Variants in R3HCC1L observed in about 807,000 individuals in gnomAD.
R3HCC1L encodes R3H domain and coiled-coil containing 1 like, also known as coiled-coil domain-containing protein R3HCC1L.
A neutral mutation model predicts 59.9 loss-of-function variants in R3HCC1L; 51 were observed. The observed-to-expected ratio is 0.85, with a 90% CI of 0.68 to 1.07. The LOEUF (loss-of-function observed/expected upper bound fraction) is 1.07, where lower values mean the gene tolerates loss of function less well. Ranked by LOEUF, R3HCC1L falls within the 50% of genes least tolerant of loss-of-function variation. The probability of loss-of-function intolerance (pLI) is 0.00; values close to 1 mark genes in which losing one functional copy is unlikely to be tolerated. For synonymous variants in R3HCC1L, 322 were observed against 315.2 expected, an observed-to-expected ratio of 1.02 and a Z score of -0.23; for missense variants, 965 against 933.0, an observed-to-expected ratio of 1.03 and a Z score of -0.45.
rs529980329 is a variant in R3HCC1L, at chr10:98,230,448, G to A, written c.1786-1064G>A. 2.6e-5 allele frequency among the ~76,000 whole-genome samples: 4 copies of A among 151,528 alleles called. No individual in the cohort carries two copies. In the East Asian group the frequency reaches 7.7e-4, roughly 29 times the overall value. On this transcript the variant is annotated intron_variant, in intron 5 of 9. Coordinates refer to ENST00000298999, the MANE Select transcript of R3HCC1L (RefSeq NM_001351015.2). Reference sequence around the variant, plus strand: ...TGATATCCCCTTTATCATTTTTTTTGCGTCTATTTGATTCTTCTCTCTTCT... The same window carrying A: ...TGATATCCCCTTTATCATTTTTTTTACGTCTATTTGATTCTTCTCTCTTCT...
chr10:98,153,609 TAA>T (rs1160637755), intron 1 of R3HCC1L, among the ~76,000 whole-genome samples: 21 of 80,998 alleles, frequency 2.6e-4, no homozygotes, highest in African/African-American at 3.5e-4. Flanking sequence ...AATGATCAAT[TAA>T]AAAAAAAAAA....
At chr10:98,198,984 A>T (rs541174314) in intron 4 of R3HCC1L, among the ~76,000 whole-genome samples, 2 of 152,322 alleles carry the variant, frequency 1.3e-5, no homozygotes, top group African/African-American at 4.8e-5. Flanking sequence ...TGTTTTATTT[A>T]ATGCAGTATA....
chr10:98,217,301 G>A (rs1400842726), intron 5 of R3HCC1L, among the ~76,000 whole-genome samples: 1 of 152,086 alleles, frequency 6.6e-6, no homozygotes, highest in East Asian at 1.9e-4. Context: ...TGTTCTTGGT[G>A]CCTTTGTCGA....
intron 1 of R3HCC1L, among the ~76,000 whole-genome samples, chr10:98,140,958 C>G (rs1845077073): frequency 6.6e-6 from 1 of 151,486 alleles, no homozygotes; most frequent in South Asian, 2.1e-4. Flanking sequence ...AAAAGGAGAA[C>G]AGAAAACACT....
chr10:98,215,090 C>T (rs912130815), intron 5 of R3HCC1L, among the ~76,000 whole-genome samples: 15 of 152,156 alleles, frequency 9.9e-5, no homozygotes, highest in African/African-American at 3.6e-4. Flanking sequence ...TTTGTCTCTA[C>T]CTGACTGGGT....
At chr10:98,157,064 AT>A (rs1263383512) in intron 2 of R3HCC1L, among the ~76,000 whole-genome samples, 1 of 152,202 alleles carries the variant, frequency 6.6e-6, no homozygotes, top group Non-Finnish European at 1.5e-5. Flanking sequence ...TTTCTTCAGA[AT>A]TTTGAAGGCA....
chr10:98,183,331 C>CT (rs35199381), intron 4 of R3HCC1L, among the ~76,000 whole-genome samples: 42,989 of 138,124 alleles, frequency 0.31, 6,833 homozygotes, highest in East Asian at 0.49. Flanking sequence ...TGTATTGTGT[C>CT]TTTTTTTTTT....
chr10:98,226,881 A>C (rs10748719), intron 5 of R3HCC1L, among the ~76,000 whole-genome samples: 60,648 of 152,116 alleles, frequency 0.4, 12,672 homozygotes, highest in South Asian at 0.57. Flanking sequence ...AAGGCAAAAC[A>C]GTTTATGTAT....
At chr10:98,134,839 G>C (rs1590345832) in intron 1 of R3HCC1L, 133 bp downstream of exon 1, 1 of 152,110 alleles carries the variant, frequency 6.6e-6, no homozygotes, top group East Asian at 1.9e-4. Flanking sequence ...CTCATGTGAC[G>C]CGAGGGGCCG....
intron 5 of R3HCC1L, among the ~76,000 whole-genome samples, chr10:98,217,500 T>C (rs972677088): frequency 6.6e-6 from 1 of 152,192 alleles, no homozygotes; most frequent in Non-Finnish European, 1.5e-5. Flanking sequence ...CTATTCTTTG[T>C]CTTTTGTGGT....
At chr10:98,227,112 G>C (rs1855753502) in intron 5 of R3HCC1L, among the ~76,000 whole-genome samples, 1 of 152,180 alleles carries the variant, frequency 6.6e-6, no homozygotes, top group Admixed American at 6.5e-5. Flanking sequence ...AACAGACTTA[G>C]CACTTGGTTA....
chr10:98,227,887 C>T (rs545022396), intron 5 of R3HCC1L, among the ~76,000 whole-genome samples: 163 of 152,230 alleles, frequency 1.1e-3, no homozygotes, highest in African/African-American at 3.0e-3. Flanking sequence ...CAGCTTCAAC[C>T]ATGTCCCTAC....
intron 1 of R3HCC1L, among the ~76,000 whole-genome samples, chr10:98,139,530 C>G (rs1014637948): frequency 6.6e-6 from 1 of 152,192 alleles, no homozygotes; most frequent in African/African-American, 2.4e-5. Flanking sequence ...ATGTGCTCTT[C>G]GCTAGTGCAG....
intron 2 of R3HCC1L, among the ~76,000 whole-genome samples, chr10:98,161,038 T>A (rs1263004831): frequency 1.3e-5 from 2 of 152,198 alleles, no homozygotes; most frequent in Non-Finnish European, 2.9e-5. Flanking sequence ...TTTGGGTAAA[T>A]TTTCAAAATG....
rs116010330 is a variant in R3HCC1L at position 98,167,429 on chromosome 10, C to T, written c.-15+4032C>T. Among the ~76,000 whole-genome samples the T allele has an allele frequency of 3.8e-3, 583 of 152,268 alleles. 7 individuals are homozygous for T. The highest frequency in any genetic ancestry group is 0.013 in the African/African-American group (556 of 41,560). ...GCTCCAAGGAGGGAGGTGATAGATA[C>T]GGAGCTGTAGCTATTTCTCTAACAG... is the stretch of plus-strand genomic sequence containing the variant. On this transcript the variant is annotated intron_variant, in intron 4 of 9. Coordinates refer to ENST00000298999, the MANE Select transcript of R3HCC1L (RefSeq NM_001351015.2).
intron 5 of R3HCC1L, among the ~76,000 whole-genome samples, chr10:98,219,552 G>A (rs1242012751): frequency 1.3e-5 from 2 of 152,044 alleles, no homozygotes; most frequent in African/African-American, 4.8e-5. Context: ...GTTTTCTGTG[G>A]TGGTAACATT....
chr10:98,223,274 G>A (rs1226642749), intron 5 of R3HCC1L, among the ~76,000 whole-genome samples: 1 of 152,090 alleles, frequency 6.6e-6, no homozygotes, highest in Non-Finnish European at 1.5e-5. Flanking sequence ...GATGAACATT[G>A]ATGGAAAAAT....
intron 4 of R3HCC1L, among the ~76,000 whole-genome samples, chr10:98,182,954 C>G (rs988993719): frequency 6.6e-6 from 1 of 152,162 alleles, no homozygotes; most frequent in Non-Finnish European, 1.5e-5. Flanking sequence ...CATGGCTTCC[C>G]TTGGCTAGGA....
chr10:98,149,035 A>G (rs1045812356), intron 1 of R3HCC1L, among the ~76,000 whole-genome samples: 7 of 152,176 alleles, frequency 4.6e-5, no homozygotes, highest in African/African-American at 1.4e-4. Flanking sequence ...TACGGCTTCA[A>G]TCTGGCTATT....
Sources: gnomAD v4.1 joint callset for allele counts (sites outside exome capture counted in the v4.1 genomes callset) on GRCh38, gnomAD v4.1.1 for gene constraint, MANE v1.5 for transcripts, NCBI Gene and HGNC (gene_info 2026-07-23, HGNC 2026-07-21) for gene names.